GALNTL6: variants seen among roughly 807,000 people sequenced by gnomAD.
The protein encoded by GALNTL6 is polypeptide N-acetylgalactosaminyltransferase-like 6.
Under a neutral mutation model 73.7 loss-of-function variants are expected in GALNTL6, and 46 were observed. That is an observed-to-expected ratio of 0.62 (90% CI 0.49 to 0.80). The LOEUF (loss-of-function observed/expected upper bound fraction) is 0.80. Ranked by LOEUF, GALNTL6 falls within the 30% of genes least tolerant of loss-of-function variation. The pLI, the probability that GALNTL6 is intolerant of heterozygous loss-of-function variation, is 0.00. For missense variants in GALNTL6, 604 were observed against 755.0 expected, an observed-to-expected ratio of 0.80 and a Z score of 2.34; for synonymous variants, 259 against 263.7, an observed-to-expected ratio of 0.98 and a Z score of 0.17.
At chr4:172,752,757 A>G (rs1737500399) in intron 5 of GALNTL6, among the ~76,000 whole-genome samples, 1 of 152,152 alleles carries the variant, frequency 6.6e-6, no homozygotes, top group South Asian at 2.1e-4. Context: ...TTTTTATTAT[A>G]AAACTGTGTA....
rs182450236 is a variant in GALNTL6 at position 172,233,849 on chromosome 4, G to C, written c.247+4085G>C. ...ATTTTTGAATTGTATTTAGCCTATGGATAAATTAGGAGATAACTGATATTT... is the reference window on the plus strand; with the variant it reads ...ATTTTTGAATTGTATTTAGCCTATGCATAAATTAGGAGATAACTGATATTT... On this transcript the variant is annotated intron_variant, in intron 3 of 12. Transcript: ENST00000506823. Among the ~76,000 whole-genome samples the C allele has an allele frequency of 4.5e-4, 68 of 152,010 alleles. No homozygotes were observed. In the East Asian group the frequency reaches 0.013, roughly 29 times the overall value.
chr4:172,879,093 A>T (rs893636101), intron 7 of GALNTL6, among the ~76,000 whole-genome samples: 2 of 151,826 alleles, frequency 1.3e-5, no homozygotes, highest in Non-Finnish European at 3.0e-5. Flanking sequence ...CTGAACATTT[A>T]TGCACCTATT....
intron 5 of GALNTL6, among the ~76,000 whole-genome samples, chr4:172,401,326 AT>A (rs1425779889): frequency 6.6e-6 from 1 of 152,166 alleles, no homozygotes; most frequent in Non-Finnish European, 1.5e-5. Flanking sequence ...AGTGAATTGT[AT>A]TGTTATTAAT....
chr4:172,185,128 A>G (rs1735378736), intron 2 of GALNTL6, among the ~76,000 whole-genome samples: 1 of 152,332 alleles, frequency 6.6e-6, no homozygotes, highest in South Asian at 2.1e-4. Context: ...GCTGAGGCCA[A>G]TTCTTAGACT....
intron 3 of GALNTL6, among the ~76,000 whole-genome samples, chr4:172,251,867 A>G (rs1025529964): frequency 8.5e-5 from 13 of 152,124 alleles, no homozygotes; most frequent in African/African-American, 2.9e-4. Flanking sequence ...CCCTAACCAC[A>G]ACAGCCAAAA....
chr4:172,204,552 A>G (rs1736050481), intron 2 of GALNTL6, among the ~76,000 whole-genome samples: 1 of 152,222 alleles, frequency 6.6e-6, no homozygotes. Context: ...ACTCCAAAAC[A>G]TATTTTTAAT....
At chr4:172,741,190 T>C (rs1005244910) in intron 5 of GALNTL6, among the ~76,000 whole-genome samples, 1 of 152,068 alleles carries the variant, frequency 6.6e-6, no homozygotes, top group African/African-American at 2.4e-5. Flanking sequence ...ATGAAAATAA[T>C]TTAGGGTCAT....
intron 3 of GALNTL6, among the ~76,000 whole-genome samples, chr4:172,296,240 C>G (rs978931692): frequency 3.3e-5 from 5 of 152,040 alleles, no homozygotes; most frequent in Non-Finnish European, 5.9e-5. Flanking sequence ...ACATTAAGAC[C>G]TATTCTGTTA....
chr4:172,965,444 G>A (rs1333918279), intron 10 of GALNTL6, among the ~76,000 whole-genome samples: 112 of 152,002 alleles, frequency 7.4e-4, no homozygotes, highest in Admixed American at 6.9e-3. Flanking sequence ...TTAGCTGGGC[G>A]TGGTGGCAGG....
intron 5 of GALNTL6, among the ~76,000 whole-genome samples, chr4:172,547,186 G>A (rs759217051): frequency 3.6e-4 from 54 of 152,034 alleles, no homozygotes; most frequent in Non-Finnish European, 6.0e-4. Context: ...GGGGTGGGAG[G>A]TGTGAGCAGT....
chr4:172,766,128 A>G (rs186135440), intron 5 of GALNTL6, among the ~76,000 whole-genome samples: 9 of 152,276 alleles, frequency 5.9e-5, no homozygotes, highest in Admixed American at 1.3e-4. Flanking sequence ...TTCTCTTCCA[A>G]TTCCTCTGTT....
At chr4:172,799,063 G>T (rs1324124280) in intron 5 of GALNTL6, among the ~76,000 whole-genome samples, 1 of 152,166 alleles carries the variant, frequency 6.6e-6, no homozygotes, top group African/African-American at 2.4e-5. Context: ...GATTAGCTAA[G>T]ATAATTAAGT....
intron 7 of GALNTL6, among the ~76,000 whole-genome samples, chr4:172,827,006 T>G (rs765992298): frequency 6.6e-6 from 1 of 152,178 alleles, no homozygotes; most frequent in Non-Finnish European, 1.5e-5. Flanking sequence ...TGCTTTATCT[T>G]TCTCAGCTAG....
At chr4:172,184,366 C>G (rs1442474830) in intron 2 of GALNTL6, among the ~76,000 whole-genome samples, 1 of 152,150 alleles carries the variant, frequency 6.6e-6, no homozygotes, top group African/African-American at 2.4e-5. Flanking sequence ...TGGTGTGAAG[C>G]TCATGCCCTC....
chr4:171,844,014 G>C (rs759428578), intron 2 of GALNTL6, among the ~76,000 whole-genome samples: 2 of 152,094 alleles, frequency 1.3e-5, no homozygotes, highest in Admixed American at 6.6e-5. Context: ...CAAGAAACAA[G>C]TTTTGTGTTT....
At chr4:172,445,764 T>C (rs1164872119) in intron 5 of GALNTL6, among the ~76,000 whole-genome samples, 2 of 152,198 alleles carry the variant, frequency 1.3e-5, no homozygotes, top group Admixed American at 6.6e-5. Flanking sequence ...ATTATTTGAA[T>C]GTATGAGTGT....
intron 5 of GALNTL6, among the ~76,000 whole-genome samples, chr4:172,418,731 A>G (rs1042132887): frequency 6.6e-6 from 1 of 152,180 alleles, no homozygotes; most frequent in Non-Finnish European, 1.5e-5. Flanking sequence ...TGTTTTCATT[A>G]TACTCCGATA....
At chr4:172,663,384 T>C (rs1374583006) in intron 5 of GALNTL6, among the ~76,000 whole-genome samples, 1 of 119,308 alleles carries the variant, frequency 8.4e-6, no homozygotes, top group East Asian at 3.7e-4. Context: ...ATACTAATAT[T>C]AAGTGTATAG....
At chr4:171,949,362 G>A (rs189206319) in intron 2 of GALNTL6, among the ~76,000 whole-genome samples, 5 of 152,234 alleles carry the variant, frequency 3.3e-5, no homozygotes, top group Non-Finnish European at 4.4e-5. Context: ...TTATATTTGT[G>A]TTCTTGGTTT....
Sources: gnomAD v4.1 joint callset for allele counts (sites outside exome capture counted in the v4.1 genomes callset) on GRCh38, gnomAD v4.1.1 for gene constraint, MANE v1.5 for transcripts, NCBI Gene and HGNC (gene_info 2026-07-23, HGNC 2026-07-21) for gene names.